MLIP: variants seen among roughly 807,000 people sequenced by gnomAD.
The protein encoded by MLIP is muscular LMNA interacting protein, also known as muscular LMNA-interacting protein.
MLIP carries 79 observed loss-of-function variants against 84.8 expected under a neutral mutation model. The ratio of observed to expected loss-of-function variants is 0.93; its 90% CI spans 0.78 to 1.12. The LOEUF is 1.12. Among genes scored for constraint, MLIP ranks in the 50% most tolerant of loss-of-function variants. MLIP has a pLI of 0.00. For synonymous variants in MLIP, 504 were observed against 463.0 expected (o/e 1.09, Z -1.14); for missense variants, 1,257 against 1,160.6 (o/e 1.08, Z -1.21).
intron 1 of MLIP, among the ~76,000 whole-genome samples, chr6:54,120,278 A>G (rs1264613547): frequency 6.6e-6 from 1 of 151,462 alleles, no homozygotes; most frequent in African/African-American, 2.4e-5. Flanking sequence ...TCTGTCGCCA[A>G]GGCTGGAGTG....
rs1562126446 is a variant in MLIP at position 54,266,043 on chromosome 6, T to C, written c.*88T>C. The C allele has an allele frequency of 7.1e-7, 1 of 1,406,580 alleles. No homozygotes were observed. The highest frequency in any genetic ancestry group is 2.4e-5 in the East Asian group (1 of 42,290). The allele number at this position is 1,406,580 out of a possible 1,614,324, so 87.1% of individuals were successfully genotyped here. Reference sequence around the variant, plus strand: ...TTGCTAGATTTAACTTTTTTTTTTTTTTCCAGAATGAGTGCTCCCTTTATG... The same window carrying C: ...TTGCTAGATTTAACTTTTTTTTTTTCTTCCAGAATGAGTGCTCCCTTTATG... On this transcript the variant is annotated 3_prime_UTR_variant, in exon 14 of 14. Coordinates refer to ENST00000502396, the MANE Select transcript of MLIP (RefSeq NM_001281747.2).
At chr6:54,085,559 A>G (rs1042077891) in intron 1 of MLIP, among the ~76,000 whole-genome samples, 2 of 152,316 alleles carry the variant, frequency 1.3e-5, no homozygotes, top group African/African-American at 4.8e-5. Flanking sequence ...TGAAGAGATC[A>G]TATTTCTCAT....
At chr6:54,127,159 C>G (rs1029695554) in intron 3 of MLIP, among the ~76,000 whole-genome samples, 1 of 152,096 alleles carries the variant, frequency 6.6e-6, no homozygotes, top group Non-Finnish European at 1.5e-5. Context: ...AAGATGTTCC[C>G]TTTGGAAAGG....
intron 8 of MLIP, among the ~76,000 whole-genome samples, 156 bp from the exon 9 acceptor site, chr6:54,169,372 C>A (rs1038642319): frequency 6.6e-6 from 1 of 151,692 alleles, no homozygotes; most frequent in Non-Finnish European, 1.5e-5. Context: ...CAAGTGATAT[C>A]ATTTTATAAA....
At chr6:54,098,220 A>T (rs1768364203) in intron 1 of MLIP, among the ~76,000 whole-genome samples, 1 of 147,400 alleles carries the variant, frequency 6.8e-6, no homozygotes, top group Non-Finnish European at 1.5e-5. Context: ...AAGTGGCACG[A>T]TCATAGCTCA....
chr6:54,061,055 G>A (rs890025906), intron 1 of MLIP, among the ~76,000 whole-genome samples: 14 of 151,570 alleles, frequency 9.2e-5, no homozygotes, highest in African/African-American at 3.4e-4. Context: ...AGTTGATGTG[G>A]ACAATGGTAA....
At chr6:54,044,278 G>A (rs1764906924) in intron 1 of MLIP, among the ~76,000 whole-genome samples, 1 of 152,182 alleles carries the variant, frequency 6.6e-6, no homozygotes, top group African/African-American at 2.4e-5. Flanking sequence ...AGTTCTTTAA[G>A]AGTGAATGGA....
At chr6:54,033,006 C>T (rs988179386) in intron 1 of MLIP, among the ~76,000 whole-genome samples, 1 of 152,102 alleles carries the variant, frequency 6.6e-6, no homozygotes, top group African/African-American at 2.4e-5. Context: ...ATGTTTTGAT[C>T]CAGTAGTCTA....
At chr6:54,223,370 G>A (rs894538377) in intron 11 of MLIP, among the ~76,000 whole-genome samples, 1 of 151,738 alleles carries the variant, frequency 6.6e-6, no homozygotes, top group Non-Finnish European at 1.5e-5. Context: ...GCTTCTAGTA[G>A]TTATACAGTT....
At chr6:54,033,549 G>A (rs921192820) in intron 1 of MLIP, among the ~76,000 whole-genome samples, 1 of 152,072 alleles carries the variant, frequency 6.6e-6, no homozygotes, top group Non-Finnish European at 1.5e-5. Context: ...ACAGGTGTGA[G>A]CCACCACGCC....
At chr6:54,071,116 C>T (rs1013350193) in intron 1 of MLIP, among the ~76,000 whole-genome samples, 27 of 151,960 alleles carry the variant, frequency 1.8e-4, no homozygotes, top group Admixed American at 1.4e-3. Context: ...TAGGTATTTG[C>T]ATTTTTAAAA....
intron 12 of MLIP, among the ~76,000 whole-genome samples, chr6:54,248,320 G>A (rs1027545690): frequency 2.0e-5 from 3 of 152,080 alleles, no homozygotes; most frequent in African/African-American, 7.2e-5. Flanking sequence ...TTCTCTTAAA[G>A]GATAGACAAA....
chr6:54,177,722 C>A (rs1163977059), intron 9 of MLIP, among the ~76,000 whole-genome samples: 11 of 152,256 alleles, frequency 7.2e-5, no homozygotes, highest in Middle Eastern at 6.8e-3. Flanking sequence ...ATAAGTCATT[C>A]TGTTATAAAG....
chr6:54,126,793 A>G (rs1770957184), intron 3 of MLIP, among the ~76,000 whole-genome samples: 2 of 152,176 alleles, frequency 1.3e-5, no homozygotes, highest in Admixed American at 6.5e-5. Context: ...TTAATCAGAA[A>G]TACAGTCAAG....
At chr6:54,056,882 G>A (rs1012083396) in intron 1 of MLIP, among the ~76,000 whole-genome samples, 1 of 152,122 alleles carries the variant, frequency 6.6e-6, no homozygotes, top group African/African-American at 2.4e-5. Flanking sequence ...ATATTCCAAA[G>A]CATTTTTTAC....
chr6:54,101,547 A>G (rs1250290505), intron 1 of MLIP, among the ~76,000 whole-genome samples: 1 of 152,146 alleles, frequency 6.6e-6, no homozygotes, highest in Non-Finnish European at 1.5e-5. Context: ...AAGTAGATTT[A>G]TGTTTTTGAA....
intron 11 of MLIP, among the ~76,000 whole-genome samples, chr6:54,214,154 T>G (rs189493954): frequency 3.4e-4 from 52 of 152,322 alleles, no homozygotes; most frequent in African/African-American, 1.2e-3. Context: ...AGAGCATCTC[T>G]TGCAGTTTTA....
intron 12 of MLIP, among the ~76,000 whole-genome samples, chr6:54,252,644 G>A (rs907015067): frequency 6.6e-6 from 1 of 151,086 alleles, no homozygotes; most frequent in African/African-American, 2.4e-5. Context: ...CCTCATAGGA[G>A]TGGTGGGGAC....
At chr6:54,086,520 G>A (rs113735953) in intron 1 of MLIP, among the ~76,000 whole-genome samples, 10 of 152,302 alleles carry the variant, frequency 6.6e-5, no homozygotes, top group African/African-American at 2.4e-4. Flanking sequence ...TGCTTAATAT[G>A]CTCATTGCTA....
Sources: allele counts gnomAD v4.1 joint callset (sites outside exome capture counted in the v4.1 genomes callset), GRCh38; gene constraint gnomAD v4.1.1; transcripts MANE v1.5; gene names NCBI Gene and HGNC (gene_info 2026-07-23, HGNC 2026-07-21).